XK: variants seen among roughly 807,000 people sequenced by gnomAD.
XK encodes the protein endoplasmic reticulum membrane adapter protein XK.
A neutral mutation model predicts 14.0 loss-of-function variants in XK; 2 were observed. The observed-to-expected ratio is 0.14, with a 90% confidence interval of 0.06 to 0.45. XK has a LOEUF of 0.45. XK is among the 20% of genes least tolerant of loss of function. XK has a pLI of 0.98. For missense variants in XK, 235 were observed against 341.5 expected (o/e 0.69, Z 2.46); for synonymous variants, 149 against 147.5 (o/e 1.01, Z -0.08).
rs1273543075 is a variant in XK at position 37,731,397 on chromosome X, C to T, written c.*2935C>T. The T allele has an allele frequency of 9.0e-6, 1 of 111,387 alleles. No homozygotes were observed. The highest frequency in any genetic ancestry group is 1.9e-5 in the Non-Finnish European group (1 of 52,947). The allele number at this position is 111,387 out of a possible 1,213,427, so 9.2% of individuals were successfully genotyped here. Reference sequence around the variant, plus strand: ...AGACAGCCCAGTGTAGAGATTGGCACTTCCCTGTCCAGCACTACAACTTAA... The same window carrying T: ...AGACAGCCCAGTGTAGAGATTGGCATTTCCCTGTCCAGCACTACAACTTAA... On this transcript the variant is annotated 3_prime_UTR_variant, in exon 3 of 3. Coordinates refer to ENST00000378616, the MANE Select transcript of XK (RefSeq NM_021083.4).
At position 37,731,051 on chromosome X, in the gene XK, T is replaced by A. The variant is rs1556451059; in HGVS notation, c.*2589T>A. The A allele has an allele frequency of 8.9e-6, 1 of 112,178 alleles. No homozygotes were observed. Among genetic ancestry groups the A allele is most frequent in the Admixed American group, 9.4e-5 (1 of 10,604 alleles). The allele number at this position is 112,178 out of a possible 1,213,427, so 9.2% of individuals were successfully genotyped here. A position where few individuals can be genotyped will look rare whatever the true frequency, so the allele number is the denominator to read the frequency against. On this transcript the variant is annotated 3_prime_UTR_variant, in exon 3 of 3. Coordinates refer to ENST00000378616, the MANE Select transcript of XK (RefSeq NM_021083.4). ...TGTGTGGTGAAAACATAAGCCATGG[T>A]GAACTGATAATTTTTGTTTTTAAAT...
intron 2 of XK, among the ~76,000 whole-genome samples, chrX:37,712,489 TCACA>T (rs1487834477): frequency 1.8e-5 from 2 of 112,380 alleles, no homozygotes; most frequent in Admixed American, 9.4e-5. Flanking sequence ...ATGTGTGTAC[TCACA>T]CACATACACA....
chrX:37,721,440 C>T (rs1423247992), intron 2 of XK, among the ~76,000 whole-genome samples: 1 of 110,794 alleles, frequency 9.0e-6, no homozygotes, highest in Non-Finnish European at 1.9e-5. Flanking sequence ...TGGCCAATAC[C>T]CACATGAAAA....
chrX:37,718,146 A>G (rs1004174939), intron 2 of XK, among the ~76,000 whole-genome samples: 1 of 111,614 alleles, frequency 9.0e-6, no homozygotes, highest in Non-Finnish European at 1.9e-5. Context: ...ATTTATCACA[A>G]AGTAAACTTA....
intron 2 of XK, among the ~76,000 whole-genome samples, chrX:37,722,071 G>C (rs1238134549): frequency 9.0e-6 from 1 of 111,230 alleles, no homozygotes; most frequent in African/African-American, 3.3e-5. Context: ...AAGTATATGG[G>C]GTTTCTTTTT....
chrX:37,694,464 A>T lies in XK; in HGVS notation c.424A>T (p.Ile142Phe). Residue 142 changes from isoleucine to phenylalanine, a missense_variant, in exon 2 of 3, where the codon ATC (isoleucine) becomes TTC (phenylalanine). Physicochemically the swap from Ile to Phe is conservative, Grantham distance 21 (BLOSUM62 0). Coordinates refer to ENST00000378616, the MANE Select transcript of XK (RefSeq NM_021083.4). Reference protein sequence around the residue: ...HRSAFSRASVIQAFLGSAPQL... With the variant: ...HRSAFSRASVFQAFLGSAPQL... Reference sequence around the variant, plus strand: ...ATCAGCGTTCAGCCGGGCGTCGGTGATCCAGGCTTTCTTGGGCTCAGCCCC... The same window carrying T: ...ATCAGCGTTCAGCCGGGCGTCGGTGTTCCAGGCTTTCTTGGGCTCAGCCCC... The T allele has an allele frequency of 8.4e-7, 1 of 1,191,813 alleles. No homozygotes were observed. Among genetic ancestry groups the T allele is most frequent in the Non-Finnish European group, 1.1e-6 (1 of 883,968 alleles).
chrX:37,694,091 A>G (rs1556442068), intron 1 of XK, among the ~76,000 whole-genome samples, 195 bp from the exon 2 acceptor site: 2 of 111,962 alleles, frequency 1.8e-5, no homozygotes, highest in South Asian at 3.7e-4. Flanking sequence ...TTCAATTCCC[A>G]TTGGCCTGCT....
At chrX:37,722,128 T>C (rs782343758) in intron 2 of XK, among the ~76,000 whole-genome samples, 1 of 111,967 alleles carries the variant, frequency 8.9e-6, no homozygotes, top group Non-Finnish European at 1.9e-5. Context: ...GTTGCACTTA[T>C]ATGCGAATAT....
chrX:37,704,503 C>T (rs7067148), intron 2 of XK, among the ~76,000 whole-genome samples: 1 of 110,293 alleles, frequency 9.1e-6, no homozygotes, highest in Non-Finnish European at 1.9e-5. Context: ...CACCACTGCA[C>T]TCTAGCCTGG....
At chrX:37,718,731 G>C (rs1359021627) in intron 2 of XK, among the ~76,000 whole-genome samples, 2 of 111,642 alleles carry the variant, frequency 1.8e-5, no homozygotes, top group Non-Finnish European at 3.8e-5. Context: ...GCCAGCACTT[G>C]GTTTTACTTT....
chrX:37,716,798 TTTTG>T lies in XK; in HGVS notation c.509-10822_509-10819del, dbSNP rs782086867. Among the ~76,000 whole-genome samples, 7 of 111,837 alleles carry T rather than the reference TTTTG, an allele frequency of 6.3e-5. No individual in the cohort carries two copies. The East Asian group carries it at 1.4e-3, about 23-fold the overall frequency. On this transcript the variant is annotated intron_variant, in intron 2 of 2. Transcript: ENST00000378616. Reference sequence around the variant, plus strand: ...ATCTGGCTATCTAAAGGAAGAGTTTTTTTGTTTGTTTGTTTGTTTTTTTGGTGTA... The same window carrying T: ...ATCTGGCTATCTAAAGGAAGAGTTTTTTTGTTTGTTTGTTTTTTTGGTGTA...
At position 37,693,476 on chromosome X, in the gene XK, C is replaced by CGTGTGT. The variant is rs781954179; in HGVS notation, c.246-789_246-784dup. Among the ~76,000 whole-genome samples the CGTGTGT allele has an allele frequency of 6.4e-3, 613 of 95,948 alleles. 2 individuals are homozygous for CGTGTGT. Among genetic ancestry groups the CGTGTGT allele is most frequent in the African/African-American group, 0.022 (566 of 25,902 alleles). 83.3% of individuals were successfully genotyped at this position (95,948 alleles called of 115,157 possible). On this transcript the variant is annotated intron_variant, in intron 1 of 2. Transcript: ENST00000378616. ...TCACATATTTATCCATCTATCAATT[C>CGTGTGT]GTGTGTGTGTGTGTGTGTGTGTGTG...
At chrX:37,697,714 G>A (rs1432411661) in intron 2 of XK, among the ~76,000 whole-genome samples, 2 of 111,887 alleles carry the variant, frequency 1.8e-5, no homozygotes, top group African/African-American at 6.5e-5. Context: ...GTACAATTCA[G>A]TAGGTTTCAA....
intron 2 of XK, among the ~76,000 whole-genome samples, chrX:37,713,501 TA>T (rs1365344844): frequency 8.9e-6 from 1 of 111,967 alleles, no homozygotes; most frequent in Non-Finnish European, 1.9e-5. Context: ...AGCCATGTTT[TA>T]ACACATCTAC....
intron 2 of XK, among the ~76,000 whole-genome samples, chrX:37,722,920 A>G (rs1927907774): frequency 8.9e-6 from 1 of 111,823 alleles, no homozygotes. Context: ...CAGGAAATGA[A>G]CAAATCCATG....
chrX:37,699,325 T>G (rs1927364910), intron 2 of XK, among the ~76,000 whole-genome samples: 1 of 112,295 alleles, frequency 8.9e-6, no homozygotes, highest in South Asian at 3.7e-4. Flanking sequence ...GTGACAGGTT[T>G]GCGAGGTATA....
At chrX:37,720,744 T>C (rs782153032) in intron 2 of XK, among the ~76,000 whole-genome samples, 1 of 111,198 alleles carries the variant, frequency 9.0e-6, no homozygotes, top group Non-Finnish European at 1.9e-5. Flanking sequence ...TGTGTACACA[T>C]TATTTAGCTC....
intron 2 of XK, among the ~76,000 whole-genome samples, chrX:37,722,444 G>C (rs1218701474): frequency 9.0e-6 from 1 of 111,312 alleles, no homozygotes; most frequent in Non-Finnish European, 1.9e-5. Flanking sequence ...TAGTGCAGGT[G>C]GGGAGATCCC....
intron 1 of XK, among the ~76,000 whole-genome samples, chrX:37,688,059 C>CTTT (rs1222330719): frequency 1.8e-4 from 10 of 54,655 alleles, no homozygotes; most frequent in East Asian, 8.0e-4. Context: ...TTCTTTCTTT[C>CTTT]TTTTTTTTTT....
Sources: allele counts gnomAD v4.1 joint callset (sites outside exome capture counted in the v4.1 genomes callset), GRCh38; gene constraint gnomAD v4.1.1; transcripts MANE v1.5; gene names NCBI Gene and HGNC (gene_info 2026-07-23, HGNC 2026-07-21).